Variants in ISG20 observed in about 807,000 individuals in gnomAD.
ISG20 encodes the protein interferon-stimulated gene 20 kDa protein.
A neutral mutation model predicts 11.1 loss-of-function variants in ISG20; 8 were observed. The ratio of observed to expected loss-of-function variants is 0.72; its 90% CI spans 0.42 to 1.30. The LOEUF is 1.30. ISG20 is among the 50% of genes most tolerant of loss of function. The pLI, the probability that ISG20 is intolerant of heterozygous loss-of-function variation, is 0.01. For synonymous variants in ISG20, 110 were observed against 101.7 expected (o/e 1.08, Z -0.49); for missense variants, 243 against 250.2 (o/e 0.97, Z 0.19).
rs1388201848 is a variant in ISG20, at chr15:88,650,306, C to T, written c.229-1804C>T. 6.5e-7 allele frequency: 1 copy of T among 1,535,678 alleles called. No individual in the cohort carries two copies. Among genetic ancestry groups the T allele is most frequent in the Non-Finnish European group, 8.7e-7 (1 of 1,146,886 alleles). The stretch of plus-strand genomic sequence containing the variant: ...ACTGGCCTGTGTGACCAGAGCAGGG[C>T]AGGCTGTCCATGTGGGAGGCGAGGC... On this transcript the variant is annotated intron_variant, in intron 2 of 3. Coordinates refer to ENST00000306072, the MANE Select transcript of ISG20 (RefSeq NM_002201.6). This position sits in a 1 kb window ranked among gnomAD's most constrained non-coding sequence, Gnocchi z 4.0.
Position 88,651,951 on chromosome 15 carries a change from T to C in ISG20, c.229-159T>C, listed in dbSNP as rs965670355. ...AGGTGTGAGGAGGGTCCTAGTGCAA[T>C]CTCTTCTTTTCAAAGATGATACATT... On this transcript the variant is annotated intron_variant, in intron 2 of 3. Transcript: ENST00000306072. The C allele has an allele frequency of 2.8e-6, 4 of 1,450,086 alleles. No individual in the cohort carries two copies. The Admixed American group carries it at 1.0e-4, about 38-fold the overall frequency. The allele number at this position is 1,450,086 out of a possible 1,614,324, so 89.8% of individuals were successfully genotyped here.
chr15:88,654,889 C>G (rs377487084), intron 3 of ISG20, among the ~76,000 whole-genome samples: 1 of 152,320 alleles, frequency 6.6e-6, no homozygotes, highest in East Asian at 1.9e-4. Context: ...CCAGGCCCAC[C>G]ATCCGTCCCC....
chr15:88,647,473 A>C (rs991194913), intron 2 of ISG20: 1 of 152,162 alleles, frequency 6.6e-6, no homozygotes, highest in Non-Finnish European at 1.5e-5. Flanking sequence ...ACGCACACAT[A>C]ACAAAGAAGT....
At position 88,639,049 on chromosome 15, in the gene ISG20, C is replaced by T. The variant is rs1211108055; in HGVS notation, c.-52C>T. On this transcript the variant is annotated 5_prime_UTR_variant, in exon 1 of 4. The change creates a new upstream start codon in the 5' untranslated region. Coordinates refer to ENST00000306072, the MANE Select transcript of ISG20 (RefSeq NM_002201.6). The surrounding 1 kb of genome is among the most constrained non-coding windows in gnomAD (Gnocchi z 4.2). ...TGAGCAGTGGCAGCAGAGAGGCAGA[C>T]GTGAGCTGAGGGCGCAGAGGCAGGC... is the stretch of plus-strand genomic sequence containing the variant. 2 of 466,982 alleles carry T rather than the reference C, an allele frequency of 4.3e-6. No individual in the cohort carries two copies. Among genetic ancestry groups the T allele is most frequent in the Admixed American group, 3.9e-5 (1 of 25,662 alleles). The allele number at this position is 466,982 out of a possible 1,614,324, so 28.9% of individuals were successfully genotyped here. A position where few individuals can be genotyped will look rare whatever the true frequency, so the allele number is the denominator to read the frequency against.
intron 3 of ISG20, among the ~76,000 whole-genome samples, chr15:88,653,041 G>A (rs1011119164): frequency 7.2e-5 from 11 of 152,212 alleles, no homozygotes; most frequent in African/African-American, 2.6e-4. Context: ...CACCCTGTGG[G>A]AAGGGCAGAG....
chr15:88,639,097 A>T lies in ISG20; in HGVS notation c.-25+21A>T. The stretch of plus-strand genomic sequence containing the variant: ...GGCAGGTGAGAGCGGGAGCTGGAGC[A>T]GCAGCTGGGGAGGCAGCGGGAGGGG... On this transcript the variant is annotated intron_variant, in intron 1 of 3. Coordinates refer to ENST00000306072, the MANE Select transcript of ISG20 (RefSeq NM_002201.6). The surrounding 1 kb of genome is among the most constrained non-coding windows in gnomAD (Gnocchi z 4.2). The T allele has an allele frequency of 3.7e-6, 2 of 544,770 alleles. No homozygotes were observed. The highest frequency in any genetic ancestry group is 6.5e-6 in the Non-Finnish European group (2 of 306,648). 33.7% of individuals were successfully genotyped at this position (544,770 alleles called of 1,614,324 possible).
chr15:88,645,198 T>A (rs1408614208), intron 2 of ISG20, among the ~76,000 whole-genome samples: 5 of 152,108 alleles, frequency 3.3e-5, no homozygotes, highest in African/African-American at 9.7e-5. Context: ...TTTGTACAAT[T>A]GTCAGCAAGT....
intron 2 of ISG20, chr15:88,649,593 C>T: frequency 6.5e-6 from 1 of 153,258 alleles, no homozygotes; most frequent in Non-Finnish European, 1.5e-5. Context: ...CCCACACACC[C>T]ACATCTCTCC....
intron 2 of ISG20, chr15:88,647,768 C>T (rs1408038785): frequency 1.3e-5 from 2 of 152,204 alleles, no homozygotes; most frequent in Non-Finnish European, 2.9e-5. Context: ...TCTCTTTTAA[C>T]GTCAACCCAG....
At chr15:88,648,739 T>C (rs1373643085) in intron 2 of ISG20, 3 of 152,202 alleles carry the variant, frequency 2.0e-5, no homozygotes, top group Admixed American at 6.5e-5. Flanking sequence ...CTCCCTCCTC[T>C]GTAAAATGGA....
chr15:88,635,871 T>G (rs911907732), upstream of ISG20, among the ~76,000 whole-genome samples: 1 of 152,232 alleles, frequency 6.6e-6, no homozygotes, highest in African/African-American at 2.4e-5. Flanking sequence ...TTCAAATTGT[T>G]GAAAAATCTC....
chr15:88,644,147 C>G (rs891242590), intron 2 of ISG20, among the ~76,000 whole-genome samples: 7 of 152,116 alleles, frequency 4.6e-5, no homozygotes, highest in African/African-American at 1.7e-4. Flanking sequence ...ATTGAAGATT[C>G]TTGAGCAATG....
At chr15:88,637,352 T>G (rs1321318831), upstream of ISG20, 2 of 146,738 alleles carry the variant, frequency 1.4e-5, no homozygotes, top group Admixed American at 6.9e-5. Flanking sequence ...TTTTTTTTTT[T>G]GGACATCAGG....
chr15:88,642,330 A>G (rs118069965), intron 2 of ISG20, among the ~76,000 whole-genome samples: 3,242 of 152,224 alleles, frequency 0.021, 69 homozygotes, highest in Non-Finnish European at 0.029. Flanking sequence ...ATCTGCAACG[A>G]CCTTATTTCC....
chr15:88,650,558 T>C lies in ISG20; in HGVS notation c.229-1552T>C, dbSNP rs1248033089. 1 of 1,023,470 alleles carries C rather than the reference T, an allele frequency of 9.8e-7. No individual in the cohort carries two copies. Among genetic ancestry groups the C allele is most frequent in the Non-Finnish European group, 1.3e-6 (1 of 758,752 alleles). 63.4% of individuals were successfully genotyped at this position (1,023,470 alleles called of 1,614,324 possible). ...TTACCGGTTCAAACAATGTCAATACTTATTTCGCTCGGCCACCTGCAGTTT... is the reference window on the plus strand; with the variant it reads ...TTACCGGTTCAAACAATGTCAATACCTATTTCGCTCGGCCACCTGCAGTTT... On this transcript the variant is annotated intron_variant, in intron 2 of 3. Coordinates refer to ENST00000306072, the MANE Select transcript of ISG20 (RefSeq NM_002201.6). This position sits in a 1 kb window ranked among gnomAD's most constrained non-coding sequence, Gnocchi z 4.0.
rs1449362893 is a variant in ISG20, at chr15:88,639,344, A to T, written c.-23A>T. ...CGCCCCCCATACCCCTCTCTCCAGC[A>T]TCTCTGAGGGTCCCCAAGGAACATG... On this transcript the variant is annotated splice_region_variant and 5_prime_UTR_variant, in exon 2 of 4. Coordinates refer to ENST00000306072, the MANE Select transcript of ISG20 (RefSeq NM_002201.6). This position sits in a 1 kb window ranked among gnomAD's most constrained non-coding sequence, Gnocchi z 4.2. 1 of 1,584,900 alleles carries T rather than the reference A, an allele frequency of 6.3e-7. No individual in the cohort carries two copies.
chr15:88,652,561 C>T (rs1163395019), intron 3 of ISG20, among the ~76,000 whole-genome samples: 1 of 35,480 alleles, frequency 2.8e-5, no homozygotes, highest in African/African-American at 1.1e-4. Context: ...TCCTCCCCTT[C>T]CTCCTCCCCC....
chr15:88,642,121 G>T (rs1223352055), intron 2 of ISG20, among the ~76,000 whole-genome samples: 1 of 151,882 alleles, frequency 6.6e-6, no homozygotes, highest in Non-Finnish European at 1.5e-5. Flanking sequence ...TAGAGACGGG[G>T]TTTCGCCCTG....
chr15:88,647,294 T>C (rs1168046554), intron 2 of ISG20: 1 of 152,032 alleles, frequency 6.6e-6, no homozygotes, highest in Non-Finnish European at 1.5e-5. Context: ...ACTTTTATAA[T>C]GTAAGTGCTT....
Sources: allele counts gnomAD v4.1 joint callset (sites outside exome capture counted in the v4.1 genomes callset), GRCh38; gene constraint gnomAD v4.1.1; non-coding constraint Gnocchi (gnomAD v3.1); transcripts MANE v1.5; gene names NCBI Gene and HGNC (gene_info 2026-07-23, HGNC 2026-07-21).